Variants in ARMCX5 observed in about 807,000 individuals in gnomAD.
The protein encoded by ARMCX5 is armadillo repeat containing X-linked 5.
In ARMCX5, 1 loss-of-function variant was observed where a neutral mutation model predicts 7.5. The ratio of observed to expected loss-of-function variants is 0.13; its 90% confidence interval spans 0.05 to 0.63. The LOEUF is 0.63. Among genes scored for constraint, ARMCX5 ranks in the 30% least tolerant of loss-of-function variants. ARMCX5 has a pLI of 0.86. For missense variants in ARMCX5, 346 were observed against 402.2 expected (o/e 0.86, Z 1.19); for synonymous variants, 149 against 145.7 (o/e 1.02, Z -0.16).
Position 102,599,535 on chromosome X carries a change from A to T in ARMCX5, c.-734A>T, listed in dbSNP as rs1422340187. ...AGCTCCTCCCACTGCCGTTGTGGGT[A>T]ACGCGGACGTGGAAGAACCTCGTCT... On this transcript the variant is annotated 5_prime_UTR_variant, in exon 1 of 4. Transcript: ENST00000473968. 1 of 110,160 alleles carries T rather than the reference A, an allele frequency of 9.1e-6. No individual in the cohort carries two copies. Among genetic ancestry groups the T allele is most frequent in the Non-Finnish European group, 1.9e-5 (1 of 52,865 alleles). The allele number at this position is 110,160 out of a possible 1,213,427, so 9.1% of individuals were successfully genotyped here.
At chrX:102,601,187 A>G (rs929205671) in intron 2 of ARMCX5, 155 bp downstream of exon 2, 2 of 111,419 alleles carry the variant, frequency 1.8e-5, no homozygotes, top group African/African-American at 6.5e-5. Context: ...ACAGAATGCT[A>G]AGCTGCCTTT....
In ARMCX5 at chrX:102,599,764, T is replaced by C. The variant is rs1017889371; in HGVS notation, c.-505T>C. On this transcript the variant is annotated 5_prime_UTR_variant, in exon 1 of 4. Coordinates refer to ENST00000473968, the MANE Select transcript of ARMCX5 (RefSeq NM_001168478.2). ...GCCGCCATTGCCTCGAGTCCTTGTGTCTGACTGTCTGTTCCTGCTGCTGTA... is the reference window on the plus strand; with the variant it reads ...GCCGCCATTGCCTCGAGTCCTTGTGCCTGACTGTCTGTTCCTGCTGCTGTA... 3.7e-5 allele frequency: 4 copies of C among 107,181 alleles called. No homozygotes were observed. 8.8% of individuals were successfully genotyped at this position (107,181 alleles called of 1,213,427 possible).
Position 102,602,999 on chromosome X carries a change from G to A in ARMCX5, c.858G>A (p.Arg286=). The A allele has an allele frequency of 9.1e-6, 11 of 1,211,370 alleles. No individual in the cohort carries two copies. Among genetic ancestry groups the A allele is most frequent in the Non-Finnish European group, 1.2e-5 (11 of 895,353 alleles). Reference sequence around the variant, plus strand: ...TAGCTGAGATCAAAAAACAGATTAGGCAAAGGGAAAAGTATGGGCCTAATC... The same window carrying A: ...TAGCTGAGATCAAAAAACAGATTAGACAAAGGGAAAAGTATGGGCCTAATC... ...QTLAEIKKQI[R]QREKYGPNPK... is the part of the protein sequence containing the mutation. Residue 286 remains arginine (R), a synonymous_variant, in exon 4 of 4, where the codon AGG becomes AGA. Coordinates refer to ENST00000473968, the MANE Select transcript of ARMCX5 (RefSeq NM_001168478.2).
At chrX:102,601,441 C>T (rs1197385493) in intron 2 of ARMCX5, 23 bp from the exon 3 acceptor site, 1 of 111,398 alleles carries the variant, frequency 9.0e-6, no homozygotes, top group Non-Finnish European at 1.9e-5. Context: ...TCCACATTCT[C>T]CTGTTTGTTT....
At position 102,601,989 on chromosome X, in the gene ARMCX5, C is replaced by T. The variant is rs770339635; in HGVS notation, c.-153C>T. ...CTTCCCTACCTTGAGTGAGCTTCCT[C>T]TGCATGTTTTCTATATCACTGGCAG... is the stretch of plus-strand genomic sequence containing the variant. On this transcript the variant is annotated 5_prime_UTR_variant, in exon 4 of 4. Transcript: ENST00000473968. The T allele has an allele frequency of 4.0e-4, 203 of 506,261 alleles. No homozygotes were observed. Among genetic ancestry groups the T allele is most frequent in the Non-Finnish European group, 6.4e-4 (192 of 299,171 alleles). 41.7% of individuals were successfully genotyped at this position (506,261 alleles called of 1,213,427 possible).
In ARMCX5 at chrX:102,599,842, G is replaced by T. The variant is rs892746553; in HGVS notation, c.-427G>T. 1 of 105,282 alleles carries T rather than the reference G, an allele frequency of 9.5e-6. No individual in the cohort carries two copies. The highest frequency in any genetic ancestry group is 3.0e-4 in the East Asian group (1 of 3,326). 8.7% of individuals were successfully genotyped at this position (105,282 alleles called of 1,213,427 possible). A position where few individuals can be genotyped will look rare whatever the true frequency, so the allele number is the denominator to read the frequency against. On this transcript the variant is annotated 5_prime_UTR_variant, in exon 1 of 4. Coordinates refer to ENST00000473968, the MANE Select transcript of ARMCX5 (RefSeq NM_001168478.2). ...AAGAAAACTGCCTCTGATCCAAGCA[G>T]AGAAGGTCAGTGAGAAGGTGCGCAT...
At position 102,603,875 on chromosome X, in the gene ARMCX5, C is replaced by A; in HGVS notation, c.*57C>A. ...GTTTTTTGGAGTTGCAATATGAAAC[C>A]AATGCATATTGTAATTATAAATTCA... On this transcript the variant is annotated 3_prime_UTR_variant, in exon 4 of 4. Coordinates refer to ENST00000473968, the MANE Select transcript of ARMCX5 (RefSeq NM_001168478.2). The A allele has an allele frequency of 2.8e-6, 2 of 722,887 alleles. No homozygotes were observed. The highest frequency in any genetic ancestry group is 4.1e-6 in the Non-Finnish European group (2 of 491,515). 59.6% of individuals were successfully genotyped at this position (722,887 alleles called of 1,213,427 possible). A position where few individuals can be genotyped will look rare whatever the true frequency, so the allele number is the denominator to read the frequency against.
intron 1 of ARMCX5, chrX:102,600,465 G>A (rs1213427717): frequency 9.0e-6 from 1 of 111,017 alleles, no homozygotes; most frequent in African/African-American, 3.3e-5. Context: ...AGATGGCTAA[G>A]ATTAGAGTAG....
Position 102,602,106 on chromosome X carries a change from G to C in ARMCX5, c.-36G>C, listed in dbSNP as rs771504425. 1 of 1,115,023 alleles carries C rather than the reference G, an allele frequency of 9.0e-7. No individual in the cohort carries two copies. Among genetic ancestry groups the C allele is most frequent in the Non-Finnish European group, 1.2e-6 (1 of 823,741 alleles). The allele number at this position is 1,115,023 out of a possible 1,213,427, so 91.9% of individuals were successfully genotyped here. Reference sequence around the variant, plus strand: ...ACTTCAGTCAAGGCTGAGACGGGTGGGGGTATATAACTTGTCCTTACGTTA... The same window carrying C: ...ACTTCAGTCAAGGCTGAGACGGGTGCGGGTATATAACTTGTCCTTACGTTA... On this transcript the variant is annotated 5_prime_UTR_variant, in exon 4 of 4. Coordinates refer to ENST00000473968, the MANE Select transcript of ARMCX5 (RefSeq NM_001168478.2).
rs2081020375 is a variant in ARMCX5 at position 102,600,371 on chromosome X, C to T, written c.-422+524C>T. ...TAAAGATCTGTAGGGGACAGCAGACCTCAAGGGGAGAGGAGAAGGAAAAGA... is the reference window on the plus strand; with the variant it reads ...TAAAGATCTGTAGGGGACAGCAGACTTCAAGGGGAGAGGAGAAGGAAAAGA... On this transcript the variant is annotated intron_variant, in intron 1 of 3. Transcript: ENST00000473968. The T allele has an allele frequency of 2.7e-5, 3 of 110,370 alleles. No individual in the cohort carries two copies. In the South Asian group the frequency reaches 1.2e-3, roughly 43 times the overall value. 9.1% of individuals were successfully genotyped at this position (110,370 alleles called of 1,213,427 possible).
chrX:102,602,989 A>G lies in ARMCX5; in HGVS notation c.848A>G (p.Lys283Arg). Residue 283 changes from lysine (K) to arginine (R), a missense_variant, in exon 4 of 4, where the codon AAA becomes AGA. Lys to Arg is a conservative substitution (Grantham distance 26). Around this residue, in one of 3 missense-constraint regions of ARMCX5, gnomAD observed 204 missense variants for 244.3 expected, o/e 0.83. Coordinates refer to ENST00000473968, the MANE Select transcript of ARMCX5 (RefSeq NM_001168478.2). Reference sequence around the variant, plus strand: ...TACCAGACCTTAGCTGAGATCAAAAAACAGATTAGGCAAAGGGAAAAGTAT... The same window carrying G: ...TACCAGACCTTAGCTGAGATCAAAAGACAGATTAGGCAAAGGGAAAAGTAT... ...PYYQTLAEIK[K>R]QIRQREKYGP... 1 of 1,211,310 alleles carries G rather than the reference A, an allele frequency of 8.3e-7. No individual in the cohort carries two copies. The highest frequency in any genetic ancestry group is 1.7e-5 in the African/African-American group (1 of 57,694).
Position 102,602,036 on chromosome X carries a change from C to T in ARMCX5, c.-106C>T. 1 of 647,035 alleles carries T rather than the reference C, an allele frequency of 1.5e-6. No individual in the cohort carries two copies. The highest frequency in any genetic ancestry group is 2.4e-6 in the Non-Finnish European group (1 of 413,463). The allele number at this position is 647,035 out of a possible 1,213,427, so 53.3% of individuals were successfully genotyped here. ...GCAGAGCCTGTAGTTGGAAAGGGGACAGAGTGACTACTGGACTTTGTGTGA... is the reference window on the plus strand; with the variant it reads ...GCAGAGCCTGTAGTTGGAAAGGGGATAGAGTGACTACTGGACTTTGTGTGA... On this transcript the variant is annotated 5_prime_UTR_variant, in exon 4 of 4. Transcript: ENST00000473968.
Position 102,602,068 on chromosome X carries a change from C to T in ARMCX5, c.-74C>T, listed in dbSNP as rs1490118702. On this transcript the variant is annotated 5_prime_UTR_variant, in exon 4 of 4. Coordinates refer to ENST00000473968, the MANE Select transcript of ARMCX5 (RefSeq NM_001168478.2). ...ACTACTGGACTTTGTGTGAAAACAC[C>T]AACCGGGACAAAACTTCAGTCAAGG... 6.4e-6 allele frequency: 6 copies of T among 933,211 alleles called. No individual in the cohort carries two copies. In the Admixed American group the frequency reaches 1.4e-4, roughly 22 times the overall value. 76.9% of individuals were successfully genotyped at this position (933,211 alleles called of 1,213,427 possible). A position where few individuals can be genotyped will look rare whatever the true frequency, so the allele number is the denominator to read the frequency against.
In ARMCX5 at chrX:102,602,827, A is replaced by G. The variant is rs746367535; in HGVS notation, c.686A>G (p.Tyr229Cys). The change falls in exon 4 of 4, where the codon TAT becomes TGT. Residue 229 changes from tyrosine to cysteine, a missense_variant. Physicochemically the swap from Tyr to Cys is radical, Grantham distance 194. Around this residue, in one of 3 missense-constraint regions of ARMCX5, gnomAD observed 204 missense variants for 244.3 expected, o/e 0.83. Coordinates refer to ENST00000473968, the MANE Select transcript of ARMCX5 (RefSeq NM_001168478.2). ...QKVIAWSRAR[Y>C]IVLVPVEGGE... is the part of the protein sequence containing the mutation. ...GTAATAGCATGGTCAAGGGCCAGGT[A>G]TATTGTCCTAGTTCCAGTTGAAGGA... is the stretch of plus-strand genomic sequence containing the variant. The G allele has an allele frequency of 8.3e-7, 1 of 1,210,461 alleles. No homozygotes were observed. The highest frequency in any genetic ancestry group is 1.8e-5 in the South Asian group (1 of 56,918).
chrX:102,602,667 A>G lies in ARMCX5; in HGVS notation c.526A>G (p.Thr176Ala), dbSNP rs777053533. 2.5e-6 allele frequency: 3 copies of G among 1,209,397 alleles called. No homozygotes were observed. In the African/African-American group the frequency reaches 5.3e-5, roughly 21 times the overall value. The change falls in exon 4 of 4, where the codon ACT becomes GCT. Residue 176 changes from threonine to alanine, a missense_variant. Physicochemically the swap from Thr to Ala is moderately conservative, Grantham distance 58. Coordinates refer to ENST00000473968, the MANE Select transcript of ARMCX5 (RefSeq NM_001168478.2). ...AGAAAATATATGCTCCTGGTTCTGG[A>G]CTGGAGAAGAGCCTAGTGTAGGGTC... ...DEENICSWFW[T>A]GEEPSVGSWF... is the part of the protein sequence containing the mutation.
Position 102,601,877 on chromosome X carries a change from TA to T in ARMCX5, c.-262-2del, listed in dbSNP as rs1458702157. 1 of 366,139 alleles carries T rather than the reference TA, an allele frequency of 2.7e-6. No individual in the cohort carries two copies. Among genetic ancestry groups the T allele is most frequent in the Non-Finnish European group, 4.7e-6 (1 of 212,267 alleles). The allele number at this position is 366,139 out of a possible 1,213,427, so 30.2% of individuals were successfully genotyped here. ...AAGCCCCATTTCCTTCCTCCACCCCTAGGTCCTACTTCAGTGGCAGATCTGG... is the reference window on the plus strand; with the variant it reads ...AAGCCCCATTTCCTTCCTCCACCCCTGGTCCTACTTCAGTGGCAGATCTGG... On this transcript the variant is annotated splice_acceptor_variant, in intron 3 of 3. Transcript: ENST00000473968. LOFTEE classifies it low-confidence loss of function (5UTR_SPLICE).
In ARMCX5 at chrX:102,603,036, C is replaced by G. The variant is rs1167891788; in HGVS notation, c.895C>G (p.His299Asp). ...EKYGPNPKAC[H>D]CKSRGFSLEP... The stretch of plus-strand genomic sequence containing the variant: ...GTATGGGCCTAATCCGAAGGCCTGC[C>G]ACTGCAAATCACGTGGCTTTAGTTT... Residue 299 changes from histidine to aspartate, a missense_variant, in exon 4 of 4, where the codon CAC becomes GAC. By Grantham distance (81) the His-to-Asp change is moderately conservative. Transcript: ENST00000473968. The G allele has an allele frequency of 8.3e-7, 1 of 1,211,679 alleles. No homozygotes were observed. The highest frequency in any genetic ancestry group is 2.2e-5 in the Admixed American group (1 of 46,047).
chrX:102,603,049 G>A lies in ARMCX5; in HGVS notation c.908G>A (p.Arg303His). ...CCGAAGGCCTGCCACTGCAAATCAC[G>A]TGGCTTTAGTTTAGAGCCTAAAGAG... Reference protein sequence around the residue: ...PNPKACHCKSRGFSLEPKEFD... With the variant: ...PNPKACHCKSHGFSLEPKEFD... Residue 303 changes from arginine (R) to histidine (H), a missense_variant, in exon 4 of 4, where the codon CGT becomes CAT. Physicochemically the swap from Arg to His is conservative, Grantham distance 29 (BLOSUM62 0). Around this residue, in one of 3 missense-constraint regions of ARMCX5, gnomAD observed 204 missense variants for 244.3 expected, o/e 0.83. Coordinates refer to ENST00000473968, the MANE Select transcript of ARMCX5 (RefSeq NM_001168478.2). 1 of 1,211,657 alleles carries A rather than the reference G, an allele frequency of 8.3e-7. No homozygotes were observed.
chrX:102,602,399 T>G lies in ARMCX5; in HGVS notation c.258T>G (p.Thr86=), dbSNP rs142005126. 4.1e-6 allele frequency: 5 copies of G among 1,211,411 alleles called. No homozygotes were observed. Among genetic ancestry groups the G allele is most frequent in the Non-Finnish European group, 4.5e-6 (4 of 895,295 alleles). Residue 86 remains threonine (T), a synonymous_variant, in exon 4 of 4, where the codon ACT becomes ACG. Transcript: ENST00000473968. Reference sequence around the variant, plus strand: ...TCAAGGTGGAAGATACAACTAAGACTAGAGTCATGGTTGAGACTAAGACAA... The same window carrying G: ...TCAAGGTGGAAGATACAACTAAGACGAGAGTCATGGTTGAGACTAAGACAA... The part of the protein sequence containing the change: ...EVIKVEDTTK[T]RVMVETKTKP...
Sources: allele counts gnomAD v4.1 joint callset, GRCh38; gene constraint gnomAD v4.1.1; regional missense constraint gnomAD v4.1.1; transcripts MANE v1.5; gene names NCBI Gene and HGNC (gene_info 2026-07-23, HGNC 2026-07-21).